Variants in ZNF469 observed in about 807,000 individuals in gnomAD.
ZNF469 encodes the protein zinc finger protein 469.
A neutral mutation model predicts 1.0 loss-of-function variants in ZNF469; 1 was observed. That is an observed-to-expected ratio of 1.00 (90% CI 0.35 to 4.73). The LOEUF (loss-of-function observed/expected upper bound fraction) is 4.73, where lower values mean the gene tolerates loss of function less well. ZNF469 is among the 30% of genes most tolerant of loss of function. ZNF469 has a pLI of 0.16. For missense variants in ZNF469, 6,100 were observed against 5,356.3 expected, an observed-to-expected ratio of 1.14 and a Z score of -4.33; for synonymous variants, 2,703 against 2,363.4, an observed-to-expected ratio of 1.14 and a Z score of -4.17.
chr16:88,396,662 C>CTGAAGGGAGGCCGGGAGGAGACCCTCA (rs1904678012), intron 1 of ZNF469, among the ~76,000 whole-genome samples: 1 of 140,052 alleles, frequency 7.1e-6, no homozygotes, highest in Admixed American at 7.0e-5. Flanking sequence ...GGAGACCCTC[C>CTGAAGGGAGGCCGGGAGGAGACCCTCA]TGAAGGGAGG....
chr16:88,231,460 G>C, the ZNF469 span, among the ~76,000 whole-genome samples: 6 of 152,228 alleles, frequency 3.9e-5, no homozygotes, highest in Non-Finnish European at 7.3e-5. The surrounding 1 kb of genome is among the most constrained non-coding windows in gnomAD (Gnocchi z 4.5). Flanking sequence ...ATGACCACAG[G>C]CTCACAGCTC....
the ZNF469 span, among the ~76,000 whole-genome samples, chr16:88,348,610 G>T: frequency 1.3e-5 from 2 of 152,318 alleles, no homozygotes; most frequent in East Asian, 1.9e-4. Context: ...CAGTGGACCG[G>T]GTCAAACAGG....
chr16:88,357,613 G>C, the ZNF469 span, among the ~76,000 whole-genome samples: 3 of 152,200 alleles, frequency 2.0e-5, no homozygotes, highest in African/African-American at 7.2e-5. Context: ...CGATGGCTGA[G>C]ACAGAGGGGA....
Position 88,429,661 on chromosome 16 carries a change from C to T in ZNF469, c.2191C>T (p.Leu731=). ...SASLDQLDVL[L]TCRQCDRNYS... ...CAGCCTGGACCAGCTGGACGTGCTG[C>T]TGACCTGCAGGCAGTGTGACCGCAA... Residue 731 remains leucine, a synonymous_variant, in exon 3 of 3, where the codon CTG becomes TTG. Transcript: ENST00000565624. The T allele has an allele frequency of 3.2e-6, 5 of 1,542,534 alleles. No homozygotes were observed. The Admixed American group carries it at 7.9e-5, about 24-fold the overall frequency.
At chr16:88,251,536 G>GTGTTTTTTTTTTTTTTTTTTT in the ZNF469 span, among the ~76,000 whole-genome samples, 19 of 78,800 alleles carry the variant, frequency 2.4e-4, 2 homozygotes, top group South Asian at 5.0e-4. Flanking sequence ...TGTCCCTGCT[G>GTGTTTTTTTTTTTTTTTTTTT]TCTTTTTTTT....
upstream of ZNF469, among the ~76,000 whole-genome samples, chr16:88,380,837 CACACAGACAT>C (rs2092520808): frequency 6.7e-6 from 1 of 149,044 alleles, no homozygotes; most frequent in Non-Finnish European, 1.5e-5. Context: ...CACACGCACT[CACACAGACAT>C]GCACTCACAT....
At chr16:88,169,568 G>A in the ZNF469 span, among the ~76,000 whole-genome samples, 3 of 152,202 alleles carry the variant, frequency 2.0e-5, no homozygotes, top group South Asian at 4.1e-4. The surrounding 1 kb of genome is among the most constrained non-coding windows in gnomAD (Gnocchi z 6.1). Context: ...AGCTGAGTCC[G>A]GGGCTTAGAG....
the ZNF469 span, among the ~76,000 whole-genome samples, chr16:88,237,509 C>CG: frequency 7.4e-6 from 1 of 134,426 alleles, no homozygotes; most frequent in Non-Finnish European, 1.6e-5. Context: ...CCCTGCCCTC[C>CG]TTGCTCCTGC....
In ZNF469 at chr16:88,433,093, T is replaced by C; in HGVS notation, c.5623T>C (p.Leu1875=). The C allele has an allele frequency of 2.6e-6, 4 of 1,550,270 alleles. No homozygotes were observed. The South Asian group carries it at 4.8e-5, about 18-fold the overall frequency. ...TGCCCCCCGGGGCAGGGAGGCTTGG[T>C]TGGTCCCTGTGCCAAGTCCCGCCTG... ...LTAPRGREAW[L]VPVPSPACVS... is the part of the protein sequence containing the mutation. Residue 1875 remains leucine, a synonymous_variant, in exon 3 of 3, where the codon TTG becomes CTG. Transcript: ENST00000565624.
chr16:88,214,753 G>A, the ZNF469 span, among the ~76,000 whole-genome samples: 1 of 152,130 alleles, frequency 6.6e-6, no homozygotes, highest in African/African-American at 2.4e-5. Flanking sequence ...AACATGCGGT[G>A]TTTGGTTTTC....
At chr16:88,371,017 C>A in the ZNF469 span, among the ~76,000 whole-genome samples, 1 of 152,260 alleles carries the variant, frequency 6.6e-6, no homozygotes, top group Non-Finnish European at 1.5e-5. Flanking sequence ...ACCATTAGAC[C>A]ATCCAGCCCC....
chr16:88,286,481 C>T, the ZNF469 span, among the ~76,000 whole-genome samples: 2 of 152,390 alleles, frequency 1.3e-5, no homozygotes, highest in South Asian at 2.1e-4. Context: ...TGCCAATCTG[C>T]AGGAGCCAGC....
chr16:88,329,894 C>T, the ZNF469 span, among the ~76,000 whole-genome samples: 7 of 152,204 alleles, frequency 4.6e-5, no homozygotes, highest in African/African-American at 4.8e-5. Context: ...CGGTGAGGGA[C>T]GGACAAGCAC....
chr16:88,133,278 CG>C, the ZNF469 span, among the ~76,000 whole-genome samples: 1 of 152,222 alleles, frequency 6.6e-6, no homozygotes, highest in Non-Finnish European at 1.5e-5. Context: ...ATGATTCCCA[CG>C]GTCAAATCAT....
chr16:88,385,867 G>A (rs1176971994), intron 1 of ZNF469, among the ~76,000 whole-genome samples: 4 of 152,120 alleles, frequency 2.6e-5, no homozygotes, highest in Non-Finnish European at 4.4e-5. Flanking sequence ...GGTGTGTGGA[G>A]CACCCTGGCA....
the ZNF469 span, among the ~76,000 whole-genome samples, chr16:88,372,091 A>G: frequency 7.9e-5 from 10 of 126,474 alleles, no homozygotes; most frequent in African/African-American, 2.8e-4. Flanking sequence ...CATCATCACC[A>G]TCACCACCAT....
At chr16:88,353,490 C>T in the ZNF469 span, among the ~76,000 whole-genome samples, 5 of 152,234 alleles carry the variant, frequency 3.3e-5, no homozygotes, top group African/African-American at 1.2e-4. Context: ...CCACCAGCGG[C>T]TTCCTGCCCC....
At chr16:88,300,353 C>T in the ZNF469 span, among the ~76,000 whole-genome samples, 3 of 152,292 alleles carry the variant, frequency 2.0e-5, no homozygotes, top group East Asian at 5.8e-4. Flanking sequence ...CCCCTCTGAG[C>T]CTGTCACCCT....
chr16:88,220,109 C>T, the ZNF469 span, among the ~76,000 whole-genome samples: 145,778 of 152,246 alleles, frequency 0.96, 70,121 homozygotes, highest in East Asian at 1. Flanking sequence ...TTTTTCTAGC[C>T]GTTCTCAGTA....
Sources: allele counts gnomAD v4.1 joint callset (sites outside exome capture counted in the v4.1 genomes callset), GRCh38; gene constraint gnomAD v4.1.1; non-coding constraint Gnocchi (gnomAD v3.1); transcripts MANE v1.5; gene names NCBI Gene and HGNC (gene_info 2026-07-23, HGNC 2026-07-21).